GSE1: variants seen among roughly 807,000 people sequenced by gnomAD.
GSE1 encodes the protein Gse1 coiled-coil protein.
GSE1 carries 32 observed loss-of-function variants against 112.6 expected under a neutral mutation model. That is an observed-to-expected ratio of 0.28 (90% confidence interval 0.21 to 0.38). The LOEUF (loss-of-function observed/expected upper bound fraction) is 0.38, where lower values mean the gene tolerates loss of function less well. Among genes scored for constraint, GSE1 ranks in the 10% least tolerant of loss-of-function variants. The pLI, the probability that GSE1 is intolerant of heterozygous loss-of-function variation, is 1.00. For missense variants in GSE1, 2,348 were observed against 1,699.2 expected (o/e 1.38, Z -6.71); for synonymous variants, 1,115 against 735.6 (o/e 1.52, Z -8.35).
rs2052553549 is a variant in GSE1 at position 85,662,975 on chromosome 16, C to T, written c.2261-6C>T. The T allele has an allele frequency of 3.8e-6, 6 of 1,569,888 alleles. No homozygotes were observed. The East Asian group carries it at 8.9e-5, about 23-fold the overall frequency. On this transcript the variant is annotated splice_region_variant and splice_polypyrimidine_tract_variant and intron_variant, in intron 9 of 15. Transcript: ENST00000253458. ...GTCTGGCTGAATACAACCATTTCTC[C>T]ATCAGGGTACTACTACGACCTCGAT...
chr16:85,656,315 A>G, intron 6 of GSE1, 28 bp from the exon 7 acceptor site: 1 of 1,606,666 alleles, frequency 6.2e-7, no homozygotes, highest in Non-Finnish European at 8.5e-7. Context: ...GGTGCAGCAG[A>G]GCCCCCAACT....
At chr16:85,292,178 A>C (rs2045237473) in intron 1 of GSE1, among the ~76,000 whole-genome samples, 1 of 148,322 alleles carries the variant, frequency 6.7e-6, no homozygotes, top group Non-Finnish European at 1.5e-5. Context: ...TCTCACTGTC[A>C]CCCAGGCTGG....
chr16:85,631,350 G>T (rs2049525020), intron 1 of GSE1, among the ~76,000 whole-genome samples: 1 of 152,256 alleles, frequency 6.6e-6, no homozygotes, highest in Admixed American at 6.5e-5. Context: ...CCATCCTCCA[G>T]TGTCCTGTGG....
chr16:85,410,333 CCT>C (rs1212876882), intron 2 of GSE1, among the ~76,000 whole-genome samples: 3 of 69,048 alleles, frequency 4.3e-5, no homozygotes, highest in African/African-American at 1.0e-4. Flanking sequence ...CTCAGGCCCC[CCT>C]GGATAATCCT....
intron 2 of GSE1, among the ~76,000 whole-genome samples, chr16:85,471,101 C>T (rs900031360): frequency 2.6e-5 from 4 of 152,034 alleles, no homozygotes; most frequent in Non-Finnish European, 5.9e-5. Context: ...AGCCCAGCCA[C>T]GTGAGAGGTG....
intron 2 of GSE1, among the ~76,000 whole-genome samples, chr16:85,424,804 A>T (rs2048930754): frequency 6.6e-6 from 1 of 152,246 alleles, no homozygotes; most frequent in South Asian, 2.1e-4. Flanking sequence ...TGGCATGGCG[A>T]GGGCCGCTGG....
intron 1 of GSE1, among the ~76,000 whole-genome samples, chr16:85,614,611 C>T (rs896278608): frequency 1.3e-5 from 2 of 152,206 alleles, no homozygotes; most frequent in Non-Finnish European, 2.9e-5. Flanking sequence ...CCGCAGTGCC[C>T]GTCTGAGTTC....
intron 1 of GSE1, among the ~76,000 whole-genome samples, chr16:85,584,879 C>T (rs1356211650): frequency 6.6e-6 from 1 of 151,482 alleles, no homozygotes; most frequent in Non-Finnish European, 1.5e-5. Context: ...AAGACCCTCG[C>T]CCCCTGCACT....
intron 1 of GSE1, among the ~76,000 whole-genome samples, chr16:85,245,968 G>C (rs1905618581): frequency 6.6e-6 from 1 of 151,302 alleles, no homozygotes. Flanking sequence ...GTGTGTGTGT[G>C]GGGGGCTGTC....
intron 2 of GSE1, among the ~76,000 whole-genome samples, chr16:85,523,462 G>A (rs2052259040): frequency 6.6e-6 from 1 of 152,230 alleles, no homozygotes; most frequent in African/African-American, 2.4e-5. Context: ...CAGCGTCCTG[G>A]TTGGGAGGAG....
At chr16:85,205,230 C>G (rs560976727) in intron 1 of GSE1, among the ~76,000 whole-genome samples, 2 of 152,228 alleles carry the variant, frequency 1.3e-5, no homozygotes, top group African/African-American at 4.8e-5. Context: ...CCTGGGGGTT[C>G]AAGCTGTTCT....
chr16:85,617,584 G>A (rs929897225), intron 1 of GSE1, among the ~76,000 whole-genome samples: 3 of 129,758 alleles, frequency 2.3e-5, no homozygotes, highest in Non-Finnish European at 4.7e-5. Context: ...CTGGGCATCC[G>A]TGTGTCAACC....
At chr16:85,422,493 G>GGGA (rs1039867872) in intron 2 of GSE1, among the ~76,000 whole-genome samples, 1 of 152,054 alleles carries the variant, frequency 6.6e-6, no homozygotes, top group Admixed American at 6.6e-5. Context: ...GAGCAAGGAA[G>GGGA]GGAGGAGGAG....
intron 1 of GSE1, among the ~76,000 whole-genome samples, chr16:85,584,993 G>C (rs2046621661): frequency 1.3e-5 from 2 of 152,176 alleles, no homozygotes; most frequent in Admixed American, 1.3e-4. Flanking sequence ...GAGATGGCCA[G>C]GGAAGTCCGA....
intron 2 of GSE1, among the ~76,000 whole-genome samples, chr16:85,411,394 G>C (rs867854316): frequency 1.1e-4 from 1 of 9,054 alleles, no homozygotes; most frequent in African/African-American, 4.0e-4. Context: ...AATCCTCACC[G>C]TTACACTCAG....
At chr16:85,636,404 G>A (rs145728146) in intron 2 of GSE1, among the ~76,000 whole-genome samples, 31 of 152,294 alleles carry the variant, frequency 2.0e-4, no homozygotes, top group Non-Finnish European at 3.1e-4. Context: ...GCCCCCACCC[G>A]TTTTGATGAA....
chr16:85,220,426 A>G lies in GSE1; in HGVS notation c.2283+48619A>G, dbSNP rs539958606. On this transcript the variant is annotated intron_variant, in intron 1 of 2. Coordinates refer to the GSE1 transcript ENST00000637419. ...AACTCGATCACCCCCGGCTCAGCAGACTGTTTGATTTATTTTAAAATCAAG... is the reference window on the plus strand; with the variant it reads ...AACTCGATCACCCCCGGCTCAGCAGGCTGTTTGATTTATTTTAAAATCAAG... Among the ~76,000 whole-genome samples, 14 of 152,292 alleles carry G rather than the reference A, an allele frequency of 9.2e-5. 1 individual carries two copies. In the South Asian group the frequency reaches 2.9e-3, roughly 32 times the overall value.
intron 1 of GSE1, among the ~76,000 whole-genome samples, chr16:85,270,340 TAGAG>T (rs1170064209): frequency 2.0e-5 from 3 of 148,910 alleles, no homozygotes; most frequent in African/African-American, 7.3e-5. Context: ...GTCTGATGGA[TAGAG>T]AGAGTCTCCT....
At chr16:85,611,852 TGGCGCGGGGAGGGGGAGGGAGGAA>T (rs2048004831), upstream of GSE1, among the ~76,000 whole-genome samples, 1 of 97,568 alleles carries the variant, frequency 1.0e-5, no homozygotes, top group Non-Finnish European at 2.2e-5. Flanking sequence ...CAATCCGGGC[TGGCGCGGGGAGGGGGAGGGAGGAA>T]GGCGGGGGAG....
Sources: gnomAD v4.1 joint callset for allele counts (sites outside exome capture counted in the v4.1 genomes callset) on GRCh38, gnomAD v4.1.1 for gene constraint, MANE v1.5 for transcripts, NCBI Gene and HGNC (gene_info 2026-07-23, HGNC 2026-07-21) for gene names.